Variants in SLCO3A1 observed in about 807,000 individuals in gnomAD.
SLCO3A1 encodes solute carrier organic anion transporter family member 3A1.
A neutral mutation model predicts 63.1 loss-of-function variants in SLCO3A1; 27 were observed. The observed-to-expected ratio is 0.43, with a 90% CI of 0.32 to 0.59. The LOEUF (loss-of-function observed/expected upper bound fraction) is 0.59. Ranked by LOEUF, SLCO3A1 falls within the 20% of genes least tolerant of loss-of-function variation. The probability of loss-of-function intolerance (pLI) is 0.09; values close to 1 mark genes in which losing one functional copy is unlikely to be tolerated. For missense variants in SLCO3A1, 773 were observed against 945.8 expected (o/e 0.82, Z 2.40); for synonymous variants, 473 against 409.9 (o/e 1.15, Z -1.86).
intron 4 of SLCO3A1, among the ~76,000 whole-genome samples, chr15:92,119,701 G>A (rs2047838020): frequency 6.6e-6 from 1 of 152,164 alleles, no homozygotes; most frequent in South Asian, 2.1e-4. Flanking sequence ...TCACTGAGGG[G>A]CAGACCTCGG....
At chr15:92,045,166 GC>G (rs1487597829) in intron 2 of SLCO3A1, among the ~76,000 whole-genome samples, 1 of 151,900 alleles carries the variant, frequency 6.6e-6, no homozygotes, top group African/African-American at 2.4e-5. Flanking sequence ...TGTAGTCCCA[GC>G]TACTCGGGAG....
chr15:92,168,947 G>C (rs1286433453), downstream of SLCO3A1, among the ~76,000 whole-genome samples: 1 of 152,172 alleles, frequency 6.6e-6, no homozygotes, highest in Admixed American at 6.5e-5. Flanking sequence ...ACTAGAAAAA[G>C]AAGAGTGATT....
chr15:91,871,735 A>G (rs188436254), intron 1 of SLCO3A1, among the ~76,000 whole-genome samples: 77 of 111,436 alleles, frequency 6.9e-4, no homozygotes, highest in Admixed American at 4.0e-3. Context: ...ACTTTATGAC[A>G]CTGGGGTGTG....
chr15:91,893,454 C>G (rs1434617223), intron 1 of SLCO3A1, among the ~76,000 whole-genome samples: 3 of 152,184 alleles, frequency 2.0e-5, no homozygotes, highest in African/African-American at 7.2e-5. Flanking sequence ...GGCCTGCTTT[C>G]TGGTTGATAG....
intron 2 of SLCO3A1, among the ~76,000 whole-genome samples, chr15:92,000,076 TAA>T (rs1423238553): frequency 6.6e-6 from 1 of 152,214 alleles, no homozygotes; most frequent in Non-Finnish European, 1.5e-5. Flanking sequence ...TTGAGTCAGA[TAA>T]AAGTCTCAGC....
At chr15:91,908,235 A>T (rs1436720159) in intron 1 of SLCO3A1, among the ~76,000 whole-genome samples, 1 of 137,618 alleles carries the variant, frequency 7.3e-6, no homozygotes. Context: ...TAAAATGATG[A>T]TGCTTTTGGT....
intron 4 of SLCO3A1, among the ~76,000 whole-genome samples, chr15:92,112,244 C>A (rs2047738347): frequency 1.3e-5 from 2 of 152,208 alleles, no homozygotes; most frequent in Admixed American, 1.3e-4. Flanking sequence ...AGCTAGACGT[C>A]TGGTTTTAGA....
Position 92,163,914 on chromosome 15 carries a change from C to A in SLCO3A1, c.*779C>A, listed in dbSNP as rs2048471452. 4.1e-6 allele frequency: 4 copies of A among 985,494 alleles called. No homozygotes were observed. The highest frequency in any genetic ancestry group is 4.8e-6 in the Non-Finnish European group (4 of 830,042). The allele number at this position is 985,494 out of a possible 1,614,324, so 61.0% of individuals were successfully genotyped here. A position where few individuals can be genotyped will look rare whatever the true frequency, so the allele number is the denominator to read the frequency against. ...GGGCATCCACCTTCCCCCAGCCCCA[C>A]AGAGTGACCTCAGGAAGCAGTAGGC... On this transcript the variant is annotated 3_prime_UTR_variant, in exon 10 of 10. Transcript: ENST00000318445.
chr15:91,952,723 C>T (rs1900040717), intron 2 of SLCO3A1, among the ~76,000 whole-genome samples: 1 of 152,162 alleles, frequency 6.6e-6, no homozygotes, highest in Non-Finnish European at 1.5e-5. Context: ...CTGCAGAGCC[C>T]TGTAAACATG....
intron 5 of SLCO3A1, among the ~76,000 whole-genome samples, chr15:92,125,313 A>G (rs2047907776): frequency 6.6e-6 from 1 of 152,160 alleles, no homozygotes; most frequent in Non-Finnish European, 1.5e-5. Context: ...ATGGAGCAAA[A>G]CCAACGCAGG....
chr15:92,064,943 T>G (rs1451646502), intron 2 of SLCO3A1, among the ~76,000 whole-genome samples: 2 of 152,176 alleles, frequency 1.3e-5, no homozygotes, highest in Non-Finnish European at 2.9e-5. Context: ...TACATTTCAG[T>G]GTTCAATAGC....
rs562143133 is a variant in SLCO3A1 at position 92,033,541 on chromosome 15, G to A, written c.647-61340G>A. Among the ~76,000 whole-genome samples the A allele has an allele frequency of 1.8e-4, 28 of 152,322 alleles. No individual in the cohort carries two copies. Among genetic ancestry groups the A allele is most frequent in the Admixed American group, 1.3e-3 (20 of 15,306 alleles). On this transcript the variant is annotated intron_variant, in intron 2 of 9. Transcript: ENST00000318445. The surrounding 1 kb of genome is among the most constrained non-coding windows in gnomAD (Gnocchi z 4.5). ...GGAGCAGAGGGTGACTTCCAGCTGG[G>A]ACTGGCATGTGTTCGTTCAGCCCGA...
At chr15:92,144,408 A>G (rs1300530108) in intron 7 of SLCO3A1, among the ~76,000 whole-genome samples, 2 of 152,188 alleles carry the variant, frequency 1.3e-5, no homozygotes, top group African/African-American at 4.8e-5. Flanking sequence ...AAAAAAGAGT[A>G]ACATTTGTTA....
rs892615553 is a variant in SLCO3A1, at chr15:91,954,334, C to A, written c.646+37876C>A. ...CCATCCACCCATGGAAGTGGCAGAT[C>A]CTGAATGCCATCTGCAGGACGGGCA... On this transcript the variant is annotated intron_variant, in intron 2 of 9. Transcript: ENST00000318445. This position sits in a 1 kb window ranked among gnomAD's most constrained non-coding sequence, Gnocchi z 4.7. 1.3e-5 allele frequency among the ~76,000 whole-genome samples: 2 copies of A among 152,192 alleles called. No individual in the cohort carries two copies. The highest frequency in any genetic ancestry group is 4.8e-5 in the African/African-American group (2 of 41,446).
intron 5 of SLCO3A1, among the ~76,000 whole-genome samples, chr15:92,124,029 C>T (rs920447587): frequency 4.6e-5 from 7 of 152,218 alleles, no homozygotes; most frequent in South Asian, 4.2e-4. Context: ...TCAGTGTGGA[C>T]GCTGGAGGCT....
chr15:91,921,662 A>G (rs563345779), intron 2 of SLCO3A1, among the ~76,000 whole-genome samples: 1 of 152,186 alleles, frequency 6.6e-6, no homozygotes, highest in East Asian at 1.9e-4. Flanking sequence ...GGTAACTATC[A>G]CACAGTAGCA....
At chr15:92,101,652 C>A (rs1596102413) in intron 3 of SLCO3A1, among the ~76,000 whole-genome samples, 2 of 152,216 alleles carry the variant, frequency 1.3e-5, no homozygotes, top group South Asian at 4.1e-4. Context: ...CACAGCTGAG[C>A]AGTTTCTCTC....
chr15:91,913,219 G>A (rs1390709874), intron 1 of SLCO3A1, among the ~76,000 whole-genome samples: 2 of 152,230 alleles, frequency 1.3e-5, no homozygotes, highest in African/African-American at 4.8e-5. Context: ...TGTCTAGAAA[G>A]CACAATAGAA....
intron 1 of SLCO3A1, chr15:91,889,124 G>C: frequency 7.9e-7 from 1 of 1,265,340 alleles, no homozygotes; most frequent in Non-Finnish European, 1.0e-6. Flanking sequence ...CAGCTAAGTG[G>C]ACGTGGATGG....
Sources: gnomAD v4.1 joint callset for allele counts (sites outside exome capture counted in the v4.1 genomes callset) on GRCh38, gnomAD v4.1.1 for gene constraint, Gnocchi (gnomAD v3.1) non-coding constraint, MANE v1.5 for transcripts, NCBI Gene and HGNC (gene_info 2026-07-23, HGNC 2026-07-21) for gene names.